L3MBTL4: variants seen among roughly 807,000 people sequenced by gnomAD.
The protein encoded by L3MBTL4 is L3MBTL histone methyl-lysine binding protein 4, also known as lethal(3)malignant brain tumor-like protein 4.
In L3MBTL4, 70 loss-of-function variants were observed where a neutral mutation model predicts 84.5. The ratio of observed to expected loss-of-function variants is 0.83; its 90% confidence interval spans 0.68 to 1.01. The LOEUF (loss-of-function observed/expected upper bound fraction) is 1.01. Among genes scored for constraint, L3MBTL4 ranks in the 50% least tolerant of loss-of-function variants. The pLI is 0.00. For synonymous variants in L3MBTL4, 274 were observed against 259.8 expected, an observed-to-expected ratio of 1.05 and a Z score of -0.52; for missense variants, 715 against 754.8, an observed-to-expected ratio of 0.95 and a Z score of 0.62.
intron 16 of L3MBTL4, among the ~76,000 whole-genome samples, chr18:6,053,851 G>C (rs186387775): frequency 1.6e-4 from 24 of 152,242 alleles, no homozygotes; most frequent in Non-Finnish European, 3.4e-4. Context: ...GTTCAATAAA[G>C]GCAGATGACC....
chr18:6,120,716 G>A (rs1168838997), intron 14 of L3MBTL4, among the ~76,000 whole-genome samples: 1 of 152,022 alleles, frequency 6.6e-6, no homozygotes, highest in African/African-American at 2.4e-5. Context: ...TATATGAATG[G>A]GGTCATTCAG....
chr18:6,346,967 C>T (rs1015885769), intron 1 of L3MBTL4, among the ~76,000 whole-genome samples: 2 of 152,032 alleles, frequency 1.3e-5, no homozygotes, highest in Non-Finnish European at 2.9e-5. Context: ...AAATGTGGTA[C>T]ACATATACAA....
intron 3 of L3MBTL4, among the ~76,000 whole-genome samples, chr18:6,306,244 A>T (rs1050727750): frequency 6.6e-6 from 1 of 152,206 alleles, no homozygotes; most frequent in Admixed American, 6.5e-5. Context: ...TATTGGATAA[A>T]AGTAAAGAAA....
intron 16 of L3MBTL4, among the ~76,000 whole-genome samples, chr18:5,970,629 A>G (rs1405849482): frequency 6.6e-6 from 1 of 152,250 alleles, no homozygotes; most frequent in Admixed American, 6.5e-5. Flanking sequence ...CTTTGAAAAG[A>G]CCACAAAAGG....
intron 12 of L3MBTL4, among the ~76,000 whole-genome samples, chr18:6,196,024 C>T (rs1412736600): frequency 6.6e-6 from 1 of 152,080 alleles, no homozygotes; most frequent in East Asian, 1.9e-4. Context: ...CCTCCTATTC[C>T]ACATTCACAC....
intron 10 of L3MBTL4, among the ~76,000 whole-genome samples, chr18:6,228,627 G>A (rs997859574): frequency 6.6e-6 from 1 of 152,050 alleles, no homozygotes; most frequent in African/African-American, 2.4e-5. Context: ...TACATGAAAT[G>A]TTACTTAAGA....
At chr18:6,168,264 C>T (rs547058805) in intron 13 of L3MBTL4, among the ~76,000 whole-genome samples, 2 of 152,122 alleles carry the variant, frequency 1.3e-5, no homozygotes, top group East Asian at 3.9e-4. Context: ...AGGTAATTTA[C>T]AGATTCAATG....
intron 5 of L3MBTL4, among the ~76,000 whole-genome samples, chr18:6,254,457 T>C (rs949835678): frequency 1.4e-5 from 2 of 147,176 alleles, no homozygotes; most frequent in Non-Finnish European, 3.0e-5. Context: ...GTTTGGCTGA[T>C]GGGGAAAATC....
chr18:6,306,236 T>C (rs1209335684), intron 3 of L3MBTL4, among the ~76,000 whole-genome samples: 1 of 152,236 alleles, frequency 6.6e-6, no homozygotes, highest in African/African-American at 2.4e-5. Context: ...AATTTGCCTA[T>C]TGGATAAAAG....
intron 5 of L3MBTL4, among the ~76,000 whole-genome samples, chr18:6,246,438 C>T (rs984499931): frequency 6.6e-6 from 1 of 152,154 alleles, no homozygotes; most frequent in African/African-American, 2.4e-5. Context: ...AACAGATTCA[C>T]CATTACTAGT....
intron 5 of L3MBTL4, among the ~76,000 whole-genome samples, chr18:6,249,932 G>A (rs897877335): frequency 1.8e-4 from 28 of 152,178 alleles, no homozygotes; most frequent in African/African-American, 6.8e-4. Flanking sequence ...TAGTAGCCTA[G>A]TACAACTAAG....
intron 10 of L3MBTL4, among the ~76,000 whole-genome samples, chr18:6,237,133 G>GA: frequency 6.6e-6 from 1 of 152,122 alleles, no homozygotes; most frequent in Admixed American, 6.5e-5. Context: ...TTTCTGTAAT[G>GA]AAAAAAATAA....
chr18:6,351,177 T>C (rs1241269026), intron 1 of L3MBTL4, among the ~76,000 whole-genome samples: 3 of 152,120 alleles, frequency 2.0e-5, no homozygotes, highest in Non-Finnish European at 4.4e-5. Flanking sequence ...GCCTGGGAGA[T>C]GCAGCGAGAC....
At position 6,058,488 on chromosome 18, in the gene L3MBTL4, GT is replaced by G. The variant is rs1160731614; in HGVS notation, c.1444+22392del. Among the ~76,000 whole-genome samples, 7 of 151,590 alleles carry G rather than the reference GT, an allele frequency of 4.6e-5. No individual in the cohort carries two copies. In the East Asian group the frequency reaches 5.8e-4, roughly 13 times the overall value. ...AGGGAAGTTTTTGTTTGTTTTTGTT[GT>G]TTTTTTTCAAGTCCACGGTACCCAT... On this transcript the variant is annotated intron_variant, in intron 16 of 18. Coordinates refer to ENST00000317931, the MANE Select transcript of L3MBTL4 (RefSeq NM_001330559.2).
intron 10 of L3MBTL4, among the ~76,000 whole-genome samples, chr18:6,221,087 T>TA (rs1568336341): frequency 1.3e-5 from 2 of 152,126 alleles, no homozygotes; most frequent in African/African-American, 4.8e-5. Flanking sequence ...GATTTTTTTT[T>TA]AAAGGCACCC....
rs996854883 is a variant in L3MBTL4 at position 6,414,381 on chromosome 18, T to C, written c.-91+420A>G. ...CAAATGCCCACCGCCGGGCGCTCGA[T>C]GGCCGGAGGACTGCCTGGGGGCCCT... On this transcript the variant is annotated intron_variant, in intron 1 of 18. Transcript: ENST00000317931. This position sits in a 1 kb window ranked among gnomAD's most constrained non-coding sequence, Gnocchi z 5.4. 2.6e-5 allele frequency among the ~76,000 whole-genome samples: 4 copies of C among 152,078 alleles called. No individual in the cohort carries two copies. In the East Asian group the frequency reaches 7.8e-4, roughly 30 times the overall value.
chr18:6,284,495 C>T (rs1004500985), intron 4 of L3MBTL4, among the ~76,000 whole-genome samples: 2 of 152,182 alleles, frequency 1.3e-5, no homozygotes, highest in African/African-American at 4.8e-5. Context: ...TCAGCTCAGC[C>T]GGGCGAGGCG....
In L3MBTL4 at chr18:6,350,280, A is replaced by T. The variant is rs145197153; in HGVS notation, c.-90-38224T>A. On this transcript the variant is annotated intron_variant, in intron 1 of 18. Transcript: ENST00000317931. Reference sequence around the variant, plus strand: ...CCATCAAAGCTGAAAACGTTTGTGCATAAGAGAACAATACCAAGAGAGTGG... The same window carrying T: ...CCATCAAAGCTGAAAACGTTTGTGCTTAAGAGAACAATACCAAGAGAGTGG... 3.7e-4 allele frequency among the ~76,000 whole-genome samples: 56 copies of T among 152,344 alleles called. 1 individual carries two copies. In the East Asian group the frequency reaches 0.01, roughly 27 times the overall value.
intron 16 of L3MBTL4, among the ~76,000 whole-genome samples, chr18:5,992,817 G>A (rs79113649): frequency 0.017 from 2,650 of 152,290 alleles, 76 homozygotes; most frequent in African/African-American, 0.061. Context: ...CAGAAGCCAC[G>A]CAGGTGCCGT....
Sources: gnomAD v4.1 joint callset for allele counts (sites outside exome capture counted in the v4.1 genomes callset) on GRCh38, gnomAD v4.1.1 for gene constraint, Gnocchi (gnomAD v3.1) non-coding constraint, MANE v1.5 for transcripts, NCBI Gene and HGNC (gene_info 2026-07-23, HGNC 2026-07-21) for gene names.